The following SLC6A6 variants were observed in gnomAD, a reference collection of about 807,000 sequenced individuals.
The protein encoded by SLC6A6 is sodium- and chloride-dependent taurine transporter.
In SLC6A6, 16 loss-of-function variants were observed where a neutral mutation model predicts 68.8. The ratio of observed to expected loss-of-function variants is 0.23; its 90% confidence interval spans 0.16 to 0.35. SLC6A6 has a LOEUF of 0.35. SLC6A6 is among the 10% of genes least tolerant of loss of function. The pLI, the probability that SLC6A6 is intolerant of heterozygous loss-of-function variation, is 1.00. For synonymous variants in SLC6A6, 312 were observed against 315.4 expected (o/e 0.99, Z 0.12); for missense variants, 474 against 802.8 (o/e 0.59, Z 4.95).
intron 2 of SLC6A6, among the ~76,000 whole-genome samples, chr3:14,435,484 G>T (rs934679082): frequency 2.6e-5 from 4 of 152,202 alleles, no homozygotes; most frequent in African/African-American, 9.6e-5. Flanking sequence ...ATGCTGAAAC[G>T]ATTTCCTCAA....
intron 6 of SLC6A6, among the ~76,000 whole-genome samples, chr3:14,463,404 T>G (rs1315313913): frequency 6.6e-6 from 1 of 152,208 alleles, no homozygotes; most frequent in African/African-American, 2.4e-5. Context: ...ACTAACTACG[T>G]GAAAACAAAG....
At chr3:14,467,824 T>C (rs1700655853) in intron 7 of SLC6A6, 29 bp from the exon 8 acceptor site, 1 of 1,476,050 alleles carries the variant, frequency 6.8e-7, no homozygotes, top group African/African-American at 1.4e-5. Context: ...CCCTCCTCTC[T>C]TTCCTTGCCA....
intron 1 of SLC6A6, among the ~76,000 whole-genome samples, 176 bp from the exon 2 acceptor site, chr3:14,416,236 A>C (rs1257256127): frequency 6.6e-6 from 1 of 152,102 alleles, no homozygotes; most frequent in Non-Finnish European, 1.5e-5. Flanking sequence ...TTGTGTTGGC[A>C]TGTGTGAGTA....
chr3:14,444,461 G>T, intron 3 of SLC6A6: 1 of 237,432 alleles, frequency 4.2e-6, no homozygotes, highest in Non-Finnish European at 8.6e-6. Context: ...TTTTGTTTTT[G>T]TGTTTTTGCC....
chr3:14,408,425 C>T (rs952102264), intron 1 of SLC6A6, among the ~76,000 whole-genome samples: 1 of 151,804 alleles, frequency 6.6e-6, no homozygotes, highest in Non-Finnish European at 1.5e-5. Context: ...ACCTCCGCCT[C>T]CCAGGTTCAA....
intron 2 of SLC6A6, among the ~76,000 whole-genome samples, chr3:14,432,378 GCTGA>G (rs1393955880): frequency 6.6e-6 from 1 of 152,212 alleles, no homozygotes; most frequent in Non-Finnish European, 1.5e-5. Context: ...TGCTAGCGAA[GCTGA>G]CAGCAAGAGT....
intron 2 of SLC6A6, among the ~76,000 whole-genome samples, chr3:14,429,803 A>G (rs150013595): frequency 6.6e-5 from 10 of 152,322 alleles, no homozygotes; most frequent in African/African-American, 2.4e-4. Context: ...CCCTCCTAAG[A>G]TCCCACAGAC....
intron 2 of SLC6A6, among the ~76,000 whole-genome samples, chr3:14,429,023 T>C (rs1699663547): frequency 6.6e-6 from 1 of 152,160 alleles, no homozygotes. Flanking sequence ...GCCAGGCTTC[T>C]TTTTCCCTCT....
chr3:14,446,701 T>C (rs898425475), intron 4 of SLC6A6, among the ~76,000 whole-genome samples: 2 of 152,234 alleles, frequency 1.3e-5, no homozygotes. Context: ...TACTTCAATT[T>C]TCTCATCTAT....
chr3:14,453,988 C>T (rs1420340280), intron 5 of SLC6A6, among the ~76,000 whole-genome samples: 3 of 152,170 alleles, frequency 2.0e-5, no homozygotes, highest in African/African-American at 7.2e-5. Context: ...AGGGCTTGGG[C>T]GCCCGCACCC....
chr3:14,474,196 TTCCTCCTTTGC>T (rs1700819183), intron 10 of SLC6A6, among the ~76,000 whole-genome samples: 1 of 152,216 alleles, frequency 6.6e-6, no homozygotes. Flanking sequence ...CAGGTGGGGC[TTCCTCCTTTGC>T]ATCTCTTTGC....
At chr3:14,456,347 G>T (rs996491029) in intron 5 of SLC6A6, among the ~76,000 whole-genome samples, 3 of 152,234 alleles carry the variant, frequency 2.0e-5, no homozygotes, top group African/African-American at 7.2e-5. Flanking sequence ...GTATTTCACG[G>T]ATCGGTCCTA....
chr3:14,416,055 C>T lies in SLC6A6; in HGVS notation c.-53-357C>T, dbSNP rs573202765. Among the ~76,000 whole-genome samples the T allele has an allele frequency of 2.0e-5, 3 of 152,258 alleles. No homozygotes were observed. In the South Asian group the frequency reaches 6.2e-4, roughly 32 times the overall value. On this transcript the variant is annotated intron_variant, in intron 1 of 14. Transcript: ENST00000622186. Reference sequence around the variant, plus strand: ...CTTGCTGCTGACTAAGTTTTGGGGACCCTGCATCCAAGAGAGGGGCGTGTG... The same window carrying T: ...CTTGCTGCTGACTAAGTTTTGGGGATCCTGCATCCAAGAGAGGGGCGTGTG...
chr3:14,466,741 A>G (rs1700628557), intron 7 of SLC6A6, 91 bp downstream of exon 7: 2 of 1,253,838 alleles, frequency 1.6e-6, no homozygotes, highest in East Asian at 2.5e-5. Context: ...CTGGCAGCAC[A>G]TCTTCCGTGG....
Position 14,489,213 on chromosome 3 carries a change from A to G in SLC6A6, c.*4206A>G, listed in dbSNP as rs9036. The G allele has an allele frequency of 0.17, 25,877 of 152,428 alleles. 2,495 individuals are homozygous for G. Among genetic ancestry groups the G allele is most frequent in the Middle Eastern group, 0.28 (81 of 292 alleles). The allele number at this position is 152,428 out of a possible 1,614,324, so 9.4% of individuals were successfully genotyped here. A position where few individuals can be genotyped will look rare whatever the true frequency, so the allele number is the denominator to read the frequency against. On this transcript the variant is annotated 3_prime_UTR_variant, in exon 15 of 15. Transcript: ENST00000622186. ...AATGTTTTATGATATGATTCCCTGT[A>G]TTTTGCAGGGGTTTTTTTCTCTTTT...
chr3:14,461,487 G>A (rs892816749), intron 6 of SLC6A6, among the ~76,000 whole-genome samples: 3 of 152,188 alleles, frequency 2.0e-5, no homozygotes, highest in African/African-American at 7.2e-5. Flanking sequence ...CACAGAGTGG[G>A]GTCTGGGAAG....
In SLC6A6 at chr3:14,445,434, AAAAGAAAAAAAGAAAG is replaced by A. The variant is rs796264270; in HGVS notation, c.230-275_230-260del. 2.7e-3 allele frequency among the ~76,000 whole-genome samples: 336 copies of A among 125,338 alleles called. 4 individuals are homozygous for A. The highest frequency in any genetic ancestry group is 0.012 in the African/African-American group (314 of 26,914). 82.2% of individuals were successfully genotyped at this position (125,338 alleles called of 152,430 possible). A position where few individuals can be genotyped will look rare whatever the true frequency, so the allele number is the denominator to read the frequency against. ...AGACTCCACCTCAAAAGAAAAAAAA[AAAAGAAAAAAAGAAAG>A]AAAGAAAGAAAGAAAAAAAAGAAGG... On this transcript the variant is annotated intron_variant, in intron 3 of 14. Coordinates refer to ENST00000622186, the MANE Select transcript of SLC6A6 (RefSeq NM_003043.6).
chr3:14,404,096 A>G (rs2124887134), intron 1 of SLC6A6, among the ~76,000 whole-genome samples: 1 of 152,358 alleles, frequency 6.6e-6, no homozygotes, highest in South Asian at 2.1e-4. Context: ...GCATGGCTCC[A>G]TTTGGACTTC....
chr3:14,452,934 C>G (rs1013328978), intron 5 of SLC6A6, among the ~76,000 whole-genome samples: 6 of 152,226 alleles, frequency 3.9e-5, no homozygotes, highest in Non-Finnish European at 2.9e-5. Flanking sequence ...TAGGCTCCTC[C>G]AGACCCCCTG....
Sources: gnomAD v4.1 joint callset for allele counts (sites outside exome capture counted in the v4.1 genomes callset) on GRCh38, gnomAD v4.1.1 for gene constraint, MANE v1.5 for transcripts, NCBI Gene and HGNC (gene_info 2026-07-23, HGNC 2026-07-21) for gene names.